The following AK3 variants were observed in gnomAD, a reference collection of about 807,000 sequenced individuals.
AK3 encodes the protein GTP:AMP phosphotransferase AK3, mitochondrial.
A neutral mutation model predicts 23.7 loss-of-function variants in AK3; 27 were observed. The ratio of observed to expected loss-of-function variants is 1.14; its 90% CI spans 0.84 to 1.57. AK3 has a LOEUF of 1.57. Ranked by LOEUF, AK3 falls within the 40% of genes most tolerant of loss-of-function variation. The pLI is 0.00. For missense variants in AK3, 406 were observed against 285.6 expected (o/e 1.42, Z -3.04); for synonymous variants, 159 against 116.0 (o/e 1.37, Z -2.38).
At chr9:4,720,321 T>C (rs894908042) in intron 2 of AK3, among the ~76,000 whole-genome samples, 2 of 152,216 alleles carry the variant, frequency 1.3e-5, no homozygotes, top group African/African-American at 2.4e-5. Context: ...GCAATGTTGT[T>C]ACTAAGGACA....
Position 4,740,943 on chromosome 9 carries a change from C to T in AK3, c.145G>A (p.Gly49Ser), listed in dbSNP as rs1319718981. The change falls in exon 1 of 5, where the codon GGC (glycine) becomes AGC (serine). Residue 49 changes from glycine to serine, a missense_variant. Gly to Ser is a moderately conservative substitution (Grantham distance 56). Transcript: ENST00000381809. ...GDLLRDNMLR[G>S]TEIGVLAKAF... ...CTGGGCCCAGAGCTCCCACCTGTGC[C>T]CCGCAGCATGTTGTCCCGGAGCAGG... The T allele has an allele frequency of 3.2e-6, 5 of 1,568,312 alleles. No individual in the cohort carries two copies. The highest frequency in any genetic ancestry group is 1.8e-5 in the Admixed American group (1 of 54,852).
chr9:4,738,071 A>G (rs978772757), intron 1 of AK3, among the ~76,000 whole-genome samples: 1 of 152,258 alleles, frequency 6.6e-6, no homozygotes, highest in Non-Finnish European at 1.5e-5. Flanking sequence ...GTTTATGTGC[A>G]GGGATAGTCA....
chr9:4,731,793 G>C (rs1563795556), intron 1 of AK3, among the ~76,000 whole-genome samples: 1 of 152,038 alleles, frequency 6.6e-6, no homozygotes, highest in Non-Finnish European at 1.5e-5. Flanking sequence ...GAACAACATG[G>C]ATTTGAACCG....
At chr9:4,728,547 G>A (rs1842070429) in intron 1 of AK3, among the ~76,000 whole-genome samples, 1 of 152,094 alleles carries the variant, frequency 6.6e-6, no homozygotes, top group African/African-American at 2.4e-5. Context: ...CTCCAGCCTG[G>A]GCAACAGAGT....
intron 4 of AK3, among the ~76,000 whole-genome samples, chr9:4,714,650 C>T (rs773474205): frequency 6.6e-6 from 1 of 152,134 alleles, no homozygotes; most frequent in African/African-American, 2.4e-5. Context: ...GATCCTAAAT[C>T]GTGGGTGAAC....
intron 1 of AK3, among the ~76,000 whole-genome samples, chr9:4,724,129 G>A (rs923689381): frequency 6.6e-6 from 1 of 152,196 alleles, no homozygotes; most frequent in African/African-American, 2.4e-5. Flanking sequence ...GCACTTAGAA[G>A]AGGGCTTGGC....
intron 1 of AK3, among the ~76,000 whole-genome samples, chr9:4,735,106 T>C (rs933257683): frequency 6.0e-4 from 90 of 150,804 alleles, no homozygotes; most frequent in African/African-American, 2.0e-3. Flanking sequence ...TATTAATTTT[T>C]TAAAAGGTTG....
intron 1 of AK3, among the ~76,000 whole-genome samples, chr9:4,738,630 G>T (rs1842350929): frequency 6.6e-6 from 1 of 151,026 alleles, no homozygotes; most frequent in Admixed American, 6.6e-5. Context: ...AAGAATAAAA[G>T]AAAATGCACC....
intron 3 of AK3, 146 bp downstream of exon 3, chr9:4,718,989 T>C (rs1841815537): frequency 1.1e-6 from 1 of 872,332 alleles, no homozygotes; most frequent in Non-Finnish European, 1.7e-6. Flanking sequence ...TCAGTGGACT[T>C]GATCAGTCAA....
chr9:4,726,267 T>G (rs116891836), intron 1 of AK3, among the ~76,000 whole-genome samples: 9,201 of 152,216 alleles, frequency 0.06, 370 homozygotes, highest in Non-Finnish European at 0.086. Context: ...CAGTAAAGTC[T>G]GTCTCATCAA....
chr9:4,737,304 C>A (rs1261672207), intron 1 of AK3, among the ~76,000 whole-genome samples: 1 of 152,060 alleles, frequency 6.6e-6, no homozygotes, highest in African/African-American at 2.4e-5. Flanking sequence ...TGAATCTCAT[C>A]GTCTAATTCA....
intron 4 of AK3, among the ~76,000 whole-genome samples, chr9:4,717,068 C>A (rs1160669402): frequency 1.3e-5 from 2 of 152,280 alleles, no homozygotes; most frequent in African/African-American, 2.4e-5. Context: ...CTAAGAGTTA[C>A]CCATATTAAT....
intron 1 of AK3, among the ~76,000 whole-genome samples, chr9:4,730,363 A>C (rs182186963): frequency 6.6e-6 from 1 of 152,102 alleles, no homozygotes; most frequent in Non-Finnish European, 1.5e-5. Flanking sequence ...TTTGTTTTTT[A>C]AAAAATAGAA....
At chr9:4,728,862 T>TACAC (rs1315242329) in intron 1 of AK3, among the ~76,000 whole-genome samples, 50 of 71,462 alleles carry the variant, frequency 7.0e-4, no homozygotes, top group African/African-American at 2.1e-3. Flanking sequence ...TATATATATA[T>TACAC]ATATACACAC....
chr9:4,735,354 T>TATATATATACATATATAA (rs1563798412), intron 1 of AK3, among the ~76,000 whole-genome samples: 25 of 21,074 alleles, frequency 1.2e-3, no homozygotes, highest in Admixed American at 1.5e-3. Context: ...CATATATAAA[T>TATATATATACATATATAA]ATATATATAC....
At chr9:4,720,718 C>A (rs1017897649) in intron 2 of AK3, among the ~76,000 whole-genome samples, 6 of 148,588 alleles carry the variant, frequency 4.0e-5, no homozygotes, top group Non-Finnish European at 7.4e-5. Flanking sequence ...AAGGTTAAAA[C>A]CGCACATGCA....
chr9:4,732,533 G>C (rs957931038), intron 1 of AK3, among the ~76,000 whole-genome samples: 3 of 152,008 alleles, frequency 2.0e-5, no homozygotes, highest in Non-Finnish European at 4.4e-5. Context: ...AAACACAAAA[G>C]GCAGTTTAAA....
At chr9:4,739,065 G>A (rs1411662224) in intron 1 of AK3, among the ~76,000 whole-genome samples, 1 of 151,678 alleles carries the variant, frequency 6.6e-6, no homozygotes, top group African/African-American at 2.4e-5. Flanking sequence ...GAGCCATTGC[G>A]CCAGGCCTAC....
At chr9:4,718,974 C>T (rs577046298) in intron 3 of AK3, among the ~76,000 whole-genome samples, 161 bp downstream of exon 3, 99 of 152,200 alleles carry the variant, frequency 6.5e-4, no homozygotes, top group African/African-American at 2.3e-3. Flanking sequence ...CCTTTCGCAC[C>T]AAGCTCAGTG....
Sources: gnomAD v4.1 joint callset for allele counts (sites outside exome capture counted in the v4.1 genomes callset) on GRCh38, gnomAD v4.1.1 for gene constraint, MANE v1.5 for transcripts, NCBI Gene and HGNC (gene_info 2026-07-23, HGNC 2026-07-21) for gene names.